Variants in TGFB3 observed in about 807,000 individuals in gnomAD.
The protein encoded by TGFB3 is transforming growth factor beta 3.
In TGFB3, 5 loss-of-function variants were observed where a neutral mutation model predicts 40.1. The ratio of observed to expected loss-of-function variants is 0.12; its 90% CI spans 0.07 to 0.26. The LOEUF is 0.26. TGFB3 is among the 10% of genes least tolerant of loss of function. TGFB3 has a pLI of 1.00. For missense variants in TGFB3, 373 were observed against 530.1 expected (o/e 0.70, Z 2.91); for synonymous variants, 184 against 205.6 (o/e 0.89, Z 0.90).
At chr14:75,973,535 A>C (rs2035318244) in intron 1 of TGFB3, among the ~76,000 whole-genome samples, 1 of 152,250 alleles carries the variant, frequency 6.6e-6, no homozygotes, top group African/African-American at 2.4e-5. Flanking sequence ...TAAGTTTACA[A>C]GTTTGTAATA....
intron 1 of TGFB3, among the ~76,000 whole-genome samples, chr14:75,977,682 G>A (rs2035371118): frequency 6.7e-6 from 1 of 149,146 alleles, no homozygotes; most frequent in African/African-American, 2.5e-5. Flanking sequence ...AAAATGCAGA[G>A]CTAAGGAAGA....
chr14:75,971,297 G>C lies in TGFB3; in HGVS notation c.517-42C>G, dbSNP rs1376949634. The stretch of plus-strand genomic sequence containing the variant: ...GGAGTGAGTACCCGAGACCAGGACA[G>C]AGTGCCCCAGAAGATGTCACAATGC... On this transcript the variant is annotated intron_variant, in intron 2 of 6. Coordinates refer to ENST00000238682, the MANE Select transcript of TGFB3 (RefSeq NM_003239.5). This position sits in a 1 kb window ranked among gnomAD's most constrained non-coding sequence, Gnocchi z 4.5. 6.2e-7 allele frequency: 1 copy of C among 1,613,550 alleles called. No individual in the cohort carries two copies. Among genetic ancestry groups the C allele is most frequent in the South Asian group, 1.1e-5 (1 of 90,868 alleles).
chr14:75,974,797 G>A (rs1188920356), intron 1 of TGFB3, among the ~76,000 whole-genome samples: 1 of 149,480 alleles, frequency 6.7e-6, no homozygotes, highest in Non-Finnish European at 1.5e-5. Flanking sequence ...AGAAGAAGAA[G>A]AATTGGCAGC....
chr14:75,971,814 C>A lies in TGFB3; in HGVS notation c.353-96G>T. 7.1e-7 allele frequency: 1 copy of A among 1,407,612 alleles called. No homozygotes were observed. Among genetic ancestry groups the A allele is most frequent in the Admixed American group, 1.8e-5 (1 of 55,532 alleles). 87.2% of individuals were successfully genotyped at this position (1,407,612 alleles called of 1,614,324 possible). A position where few individuals can be genotyped will look rare whatever the true frequency, so the allele number is the denominator to read the frequency against. ...AGGCACCAAGTGGCCACCGTCCCGC[C>A]TGCCACCTCCCTAGAGGCTTGAGGC... On this transcript the variant is annotated intron_variant, in intron 1 of 6. Coordinates refer to ENST00000238682, the MANE Select transcript of TGFB3 (RefSeq NM_003239.5). The surrounding 1 kb of genome is among the most constrained non-coding windows in gnomAD (Gnocchi z 4.5).
rs369274752 is a variant in TGFB3 at position 75,971,523 on chromosome 14, C to T, written c.516+32G>A. The T allele has an allele frequency of 3.7e-6, 6 of 1,613,108 alleles. No homozygotes were observed. Among genetic ancestry groups the T allele is most frequent in the South Asian group, 3.3e-5 (3 of 90,830 alleles). ...ATGGCAAAGGAACCAGCTTTCCCGT[C>T]GGTGTGGTTTCTGCTCTGAGAGAGG... On this transcript the variant is annotated intron_variant, in intron 2 of 6. Coordinates refer to ENST00000238682, the MANE Select transcript of TGFB3 (RefSeq NM_003239.5). The surrounding 1 kb of genome is among the most constrained non-coding windows in gnomAD (Gnocchi z 4.5).
chr14:75,971,464 G>C lies in TGFB3; in HGVS notation c.516+91C>G. The C allele has an allele frequency of 6.3e-7, 1 of 1,574,828 alleles. No homozygotes were observed. The highest frequency in any genetic ancestry group is 1.1e-5 in the South Asian group (1 of 87,110). The stretch of plus-strand genomic sequence containing the variant: ...CAGAGAAGCCAGGATTCAAACCCAG[G>C]TCTGCCAAACGCTGCACCCAGTGGT... On this transcript the variant is annotated intron_variant, in intron 2 of 6. Coordinates refer to ENST00000238682, the MANE Select transcript of TGFB3 (RefSeq NM_003239.5). The surrounding 1 kb of genome is among the most constrained non-coding windows in gnomAD (Gnocchi z 4.5).
intron 3 of TGFB3, chr14:75,966,103 C>T: frequency 1.5e-5 from 5 of 325,654 alleles, no homozygotes; most frequent in Non-Finnish European, 3.0e-5. Context: ...TTGAGCCAAT[C>T]TACTGCAGAA....
At position 75,978,976 on chromosome 14, in the gene TGFB3, C is replaced by T. The variant is rs1157846954; in HGVS notation, c.352+1566G>A. Among the ~76,000 whole-genome samples the T allele has an allele frequency of 6.6e-6, 1 of 152,176 alleles. No individual in the cohort carries two copies. The highest frequency in any genetic ancestry group is 1.5e-5 in the Non-Finnish European group (1 of 68,018). On this transcript the variant is annotated intron_variant, in intron 1 of 6. Coordinates refer to ENST00000238682, the MANE Select transcript of TGFB3 (RefSeq NM_003239.5). The surrounding 1 kb of genome is among the most constrained non-coding windows in gnomAD (Gnocchi z 5.0). ...CCTCTGATGCTTGTGGTCACTATCT[C>T]CCGCGTTGGTGGGTTCCCAGGGAGT...
rs1457026957 is a variant in TGFB3 at position 75,981,148 on chromosome 14, T to C, written c.-255A>G. The stretch of plus-strand genomic sequence containing the variant: ...TTCTTGTCCATGTGTCTAAACAGGT[T>C]TTGCTGGGCTCTGACTCCCAGCAGG... On this transcript the variant is annotated 5_prime_UTR_variant, in exon 1 of 7. Transcript: ENST00000238682. The surrounding 1 kb of genome is among the most constrained non-coding windows in gnomAD (Gnocchi z 4.7). The C allele has an allele frequency of 2.3e-5, 12 of 519,326 alleles. No individual in the cohort carries two copies. The highest frequency in any genetic ancestry group is 4.2e-5 in the Non-Finnish European group (12 of 285,642). The allele number at this position is 519,326 out of a possible 1,614,324, so 32.2% of individuals were successfully genotyped here. A position where few individuals can be genotyped will look rare whatever the true frequency, so the allele number is the denominator to read the frequency against.
intron 4 of TGFB3, among the ~76,000 whole-genome samples, chr14:75,964,286 C>T (rs890343728): frequency 6.6e-5 from 10 of 152,094 alleles, no homozygotes; most frequent in Admixed American, 6.6e-4. Context: ...TAAGGTGTCA[C>T]AACTTAAGAT....
At chr14:75,977,107 C>T (rs1363805995) in intron 1 of TGFB3, among the ~76,000 whole-genome samples, 6 of 151,642 alleles carry the variant, frequency 4.0e-5, no homozygotes, top group Admixed American at 3.9e-4. Context: ...GAATAATTCT[C>T]AGAATAAACA....
intron 3 of TGFB3, chr14:75,966,668 C>G (rs1041753152): frequency 2.0e-5 from 3 of 152,244 alleles, no homozygotes; most frequent in Admixed American, 6.5e-5. Flanking sequence ...GCCTGACATT[C>G]TGGTGCGTGA....
At chr14:75,961,623 A>G (rs1361319614) in intron 5 of TGFB3, among the ~76,000 whole-genome samples, 3 of 152,214 alleles carry the variant, frequency 2.0e-5, no homozygotes, top group Non-Finnish European at 4.4e-5. Context: ...TCTGTTGCCT[A>G]CAGAGATCAT....
intron 3 of TGFB3, among the ~76,000 whole-genome samples, chr14:75,968,943 A>G (rs985286130): frequency 6.6e-6 from 1 of 151,980 alleles, no homozygotes; most frequent in Non-Finnish European, 1.5e-5. Flanking sequence ...TGCCAGCCTC[A>G]CTCTTGGGGA....
rs946175040 is a variant in TGFB3, at chr14:75,958,864, C to G, written c.*323G>C. On this transcript the variant is annotated 3_prime_UTR_variant, in exon 7 of 7. Transcript: ENST00000238682. ...CCTTCCTTCTCCCTTTAGGGTAGCC[C>G]AAATCCCATTGCCACACAACATCTC... The G allele has an allele frequency of 2.4e-5, 9 of 381,750 alleles. No homozygotes were observed. Among genetic ancestry groups the G allele is most frequent in the Non-Finnish European group, 4.0e-5 (8 of 198,466 alleles). 23.6% of individuals were successfully genotyped at this position (381,750 alleles called of 1,614,324 possible).
In TGFB3 at chr14:75,971,089, G is replaced by A. The variant is rs1270876449; in HGVS notation, c.646+37C>T. 4.3e-6 allele frequency: 7 copies of A among 1,612,054 alleles called. No homozygotes were observed. The highest frequency in any genetic ancestry group is 1.6e-4 in the Middle Eastern group (1 of 6,080). On this transcript the variant is annotated intron_variant, in intron 3 of 6. Coordinates refer to ENST00000238682, the MANE Select transcript of TGFB3 (RefSeq NM_003239.5). The surrounding 1 kb of genome is among the most constrained non-coding windows in gnomAD (Gnocchi z 4.5). ...TTCATGGAGGACTAAGGGACCTGAG[G>A]TTCATTCTGAAATGCTTATCTGAAG...
chr14:75,963,057 C>A, intron 5 of TGFB3: 1 of 579,100 alleles, frequency 1.7e-6, no homozygotes, highest in Non-Finnish European at 3.1e-6. Context: ...AGCAACACTC[C>A]TCCTCACAGA....
intron 1 of TGFB3, among the ~76,000 whole-genome samples, chr14:75,974,010 C>T (rs1409711021): frequency 2.0e-5 from 3 of 151,974 alleles, no homozygotes; most frequent in Non-Finnish European, 4.4e-5. Flanking sequence ...CCTGGTGGTG[C>T]GTGCCTGTAA....
rs1040805090 is a variant in TGFB3, at chr14:75,959,199, A to G, written c.1227T>C (p.Cys409=). ...CGCACGTGGGGTCTCAGCTACATTTACAAGACTTCACCACCATGTTGGAGA... is the reference window on the plus strand; with the variant it reads ...CGCACGTGGGGTCTCAGCTACATTTGCAAGACTTCACCACCATGTTGGAGA... ...EQLSNMVVKS[C]KCS Residue 409 remains cysteine, a synonymous_variant, in exon 7 of 7, where the codon TGT becomes TGC. Transcript: ENST00000238682. 2 of 1,614,020 alleles carry G rather than the reference A, an allele frequency of 1.2e-6. No homozygotes were observed. The highest frequency in any genetic ancestry group is 1.7e-6 in the Non-Finnish European group (2 of 1,180,032).
Sources: allele counts gnomAD v4.1 joint callset (sites outside exome capture counted in the v4.1 genomes callset), GRCh38; gene constraint gnomAD v4.1.1; non-coding constraint Gnocchi (gnomAD v3.1); transcripts MANE v1.5; gene names NCBI Gene and HGNC (gene_info 2026-07-23, HGNC 2026-07-21).